Variants in TYW1B observed in about 807,000 individuals in gnomAD.
The protein encoded by TYW1B is S-adenosyl-L-methionine-dependent tRNA 4-demethylwyosine synthase TYW1B.
TYW1B carries 73 observed loss-of-function variants against 86.9 expected under a neutral mutation model. The ratio of observed to expected loss-of-function variants is 0.84; its 90% CI spans 0.70 to 1.02. The LOEUF (loss-of-function observed/expected upper bound fraction) is 1.02, where lower values mean the gene tolerates loss of function less well. TYW1B is among the 50% of genes least tolerant of loss of function. The pLI is 0.00. For missense variants in TYW1B, 637 were observed against 827.4 expected (o/e 0.77, Z 2.82); for synonymous variants, 248 against 292.8 (o/e 0.85, Z 1.56).
At chr7:72,581,100 A>C (rs1289428057) in intron 13 of TYW1B, among the ~76,000 whole-genome samples, 11 of 105,936 alleles carry the variant, frequency 1.0e-4, no homozygotes, top group Non-Finnish European at 2.1e-4. Context: ...AGACACGATT[A>C]GAATCTCAAG....
chr7:72,646,078 G>A (rs1202168771), intron 11 of TYW1B, among the ~76,000 whole-genome samples: 2 of 148,154 alleles, frequency 1.3e-5, no homozygotes, highest in South Asian at 2.2e-4. Context: ...AGAGGTTCAC[G>A]CTCTGTCACA....
chr7:72,575,657 C>T lies in TYW1B; in HGVS notation c.1848G>A (p.Gln616=). ...TTGATCCACCACTATCTTCATATTCCTGGATGAGCTCCTGGAAGCGGTTAT... is the reference window on the plus strand; with the variant it reads ...TTGATCCACCACTATCTTCATATTCTTGGATGAGCTCCTGGAAGCGGTTAT... ...IDYNRFQELI[Q]EYEDSGGSKT... Residue 616 remains glutamine, a synonymous_variant, in exon 14 of 14, where the codon CAG becomes CAA. Transcript: ENST00000620995. The T allele has an allele frequency of 1.9e-6, 3 of 1,613,604 alleles. No individual in the cohort carries two copies. The highest frequency in any genetic ancestry group is 2.5e-6 in the Non-Finnish European group (3 of 1,179,714).
chr7:72,604,531 G>A (rs1363208437), intron 13 of TYW1B, among the ~76,000 whole-genome samples: 1 of 152,178 alleles, frequency 6.6e-6, no homozygotes, highest in Non-Finnish European at 1.5e-5. Context: ...TGTGGATTCC[G>A]CAAGCCATAT....
intron 13 of TYW1B, among the ~76,000 whole-genome samples, chr7:72,615,618 C>T (rs185886497): frequency 3.9e-5 from 6 of 152,210 alleles, no homozygotes; most frequent in Non-Finnish European, 8.8e-5. Flanking sequence ...AACAAACACA[C>T]GCCCACAGGA....
At chr7:72,816,883 T>C (rs1472308155) in intron 2 of TYW1B, among the ~76,000 whole-genome samples, 4 of 152,090 alleles carry the variant, frequency 2.6e-5, no homozygotes, top group African/African-American at 9.7e-5. Context: ...TAGCTGGCCC[T>C]GTGCAGCTCT....
chr7:72,703,857 AAAAAAAAAAAG>A (rs1481058709), intron 10 of TYW1B, among the ~76,000 whole-genome samples: 2 of 150,878 alleles, frequency 1.3e-5, no homozygotes, highest in East Asian at 3.9e-4. Flanking sequence ...CCTGTCTCAA[AAAAAAAAAAAG>A]AAAAGAAAAA....
chr7:72,622,797 A>G (rs1812255784), intron 12 of TYW1B, among the ~76,000 whole-genome samples: 1 of 151,882 alleles, frequency 6.6e-6, no homozygotes, highest in African/African-American at 2.4e-5. Context: ...CACATGCATA[A>G]CACACACAAC....
chr7:72,641,765 C>T (rs1563042365), intron 11 of TYW1B, among the ~76,000 whole-genome samples: 1 of 152,084 alleles, frequency 6.6e-6, no homozygotes, highest in Non-Finnish European at 1.5e-5. Flanking sequence ...GTATGAAATG[C>T]CACTTCGTTG....
chr7:72,709,340 C>A (rs1171572893), intron 10 of TYW1B, among the ~76,000 whole-genome samples: 1 of 152,188 alleles, frequency 6.6e-6, no homozygotes, highest in African/African-American at 2.4e-5. Context: ...AAGCACAGCA[C>A]CCTTCATATT....
chr7:72,712,885 A>G (rs184787599), intron 10 of TYW1B, among the ~76,000 whole-genome samples: 59 of 152,286 alleles, frequency 3.9e-4, no homozygotes, highest in African/African-American at 1.3e-3. Flanking sequence ...TCTGTGGTCT[A>G]AATAAACTAC....
At chr7:72,731,283 T>G (rs1787101858) in intron 8 of TYW1B, among the ~76,000 whole-genome samples, 2 of 150,610 alleles carry the variant, frequency 1.3e-5, no homozygotes, top group East Asian at 1.9e-4. Context: ...AGGAAGTGAT[T>G]ATTACCATCA....
At chr7:72,763,917 G>T (rs916073059) in intron 7 of TYW1B, among the ~76,000 whole-genome samples, 44 of 152,222 alleles carry the variant, frequency 2.9e-4, no homozygotes, top group African/African-American at 1.0e-3. Context: ...TCTTCTTTCA[G>T]TTATTTCTGT....
intron 6 of TYW1B, among the ~76,000 whole-genome samples, chr7:72,786,902 C>G: frequency 6.6e-6 from 1 of 151,906 alleles, no homozygotes; most frequent in East Asian, 1.9e-4. Flanking sequence ...AAAGCTTAAC[C>G]TGGTAGAAAA....
intron 11 of TYW1B, among the ~76,000 whole-genome samples, chr7:72,693,029 C>A (rs543392046): frequency 2.1e-3 from 320 of 152,144 alleles, no homozygotes; most frequent in Middle Eastern, 6.8e-3. Flanking sequence ...TGGCTGCATA[C>A]CAAATGACGC....
At chr7:72,731,872 G>A (rs1457876784) in intron 8 of TYW1B, among the ~76,000 whole-genome samples, 10 of 152,058 alleles carry the variant, frequency 6.6e-5, no homozygotes, top group South Asian at 2.1e-4. Flanking sequence ...AACCTGAGGC[G>A]GAAGTTGCAG....
chr7:72,709,678 A>AC (rs1425337995), intron 10 of TYW1B, among the ~76,000 whole-genome samples: 1 of 152,160 alleles, frequency 6.6e-6, no homozygotes, highest in Non-Finnish European at 1.5e-5. Flanking sequence ...AAAAACAAAA[A>AC]AAAAAATTCC....
At chr7:72,648,474 C>CGGAG (rs539003311) in intron 11 of TYW1B, among the ~76,000 whole-genome samples, 66 of 147,942 alleles carry the variant, frequency 4.5e-4, no homozygotes, top group African/African-American at 1.3e-3. Flanking sequence ...ACCCAGGAGG[C>CGGAG]GGAGGTTGCA....
At position 72,821,398 on chromosome 7, in the gene TYW1B, C is replaced by T. The variant is rs533639726; in HGVS notation, c.135+5457G>A. Among the ~76,000 whole-genome samples, 7 of 152,370 alleles carry T rather than the reference C, an allele frequency of 4.6e-5. No individual in the cohort carries two copies. The East Asian group carries it at 9.6e-4, about 21-fold the overall frequency. On this transcript the variant is annotated intron_variant, in intron 2 of 13. Transcript: ENST00000620995. ...TCTGCCCAGCAACTTCATGTCCAAC[C>T]TTGGATTGTGTCACCTTTGTTATTA...
intron 7 of TYW1B, among the ~76,000 whole-genome samples, chr7:72,745,858 G>A (rs1208812393): frequency 8.2e-6 from 1 of 121,254 alleles, no homozygotes; most frequent in African/African-American, 3.4e-5. Flanking sequence ...AGGGGTGTGT[G>A]TGTGTGTGTG....
Sources: allele counts gnomAD v4.1 joint callset (sites outside exome capture counted in the v4.1 genomes callset), GRCh38; gene constraint gnomAD v4.1.1; transcripts MANE v1.5; gene names NCBI Gene and HGNC (gene_info 2026-07-23, HGNC 2026-07-21).